Variants in FRMPD4 observed in about 807,000 individuals in gnomAD.
The protein encoded by FRMPD4 is FERM and PDZ domain-containing protein 4.
Under a neutral mutation model 94.1 loss-of-function variants are expected in FRMPD4, and 22 were observed. That is an observed-to-expected ratio of 0.23 (90% confidence interval 0.17 to 0.33). The LOEUF is 0.33. Among genes scored for constraint, FRMPD4 ranks in the 10% least tolerant of loss-of-function variants. The pLI is 1.00. For synonymous variants in FRMPD4, 631 were observed against 548.6 expected, an observed-to-expected ratio of 1.15 and a Z score of -2.10; for missense variants, 1,111 against 1,339.9, an observed-to-expected ratio of 0.83 and a Z score of 2.67.
chrX:12,161,937 A>G (rs1217562255), intron 1 of FRMPD4, among the ~76,000 whole-genome samples: 2 of 112,099 alleles, frequency 1.8e-5, no homozygotes, highest in Non-Finnish European at 3.8e-5. Context: ...AGGTATTTCA[A>G]AAGTCCCAAG....
chrX:12,170,404 G>A (rs1214714736), intron 1 of FRMPD4, among the ~76,000 whole-genome samples: 1 of 110,638 alleles, frequency 9.0e-6, no homozygotes, highest in Admixed American at 9.7e-5. Context: ...GTGCATGTTA[G>A]CATCCGTGAA....
chrX:12,137,479 C>G (rs767247941), upstream of FRMPD4, among the ~76,000 whole-genome samples: 8 of 112,247 alleles, frequency 7.1e-5, no homozygotes, highest in South Asian at 3.0e-3. Context: ...TGGGGGTGCT[C>G]TCTGTTCTTT....
intron 2 of FRMPD4, among the ~76,000 whole-genome samples, chrX:12,565,086 C>CA (rs33995881): frequency 0.26 from 26,476 of 100,441 alleles, 3,282 homozygotes; most frequent in African/African-American, 0.47. Flanking sequence ...GACTCAGTCT[C>CA]AAAAAAAAAA....
intron 3 of FRMPD4, among the ~76,000 whole-genome samples, chrX:11,960,000 C>A (rs943380029): frequency 1.8e-5 from 2 of 110,982 alleles, no homozygotes; most frequent in Non-Finnish European, 3.8e-5. Context: ...TGGGGCATCA[C>A]AAGATGGATC....
intron 3 of FRMPD4, among the ~76,000 whole-genome samples, chrX:12,050,242 A>G (rs1022320471): frequency 3.6e-5 from 4 of 111,647 alleles, no homozygotes. Context: ...CTCCATTCAT[A>G]GTAAGTGCTC....
intron 1 of FRMPD4, among the ~76,000 whole-genome samples, chrX:12,314,509 T>G (rs1447861682): frequency 1.8e-5 from 2 of 111,184 alleles, no homozygotes; most frequent in Non-Finnish European, 3.8e-5. Context: ...GTGGACCCTA[T>G]ACTGAGCAAC....
intron 1 of FRMPD4, among the ~76,000 whole-genome samples, chrX:12,420,087 G>A (rs1162365789): frequency 3.6e-5 from 4 of 111,294 alleles, no homozygotes; most frequent in Admixed American, 9.5e-5. Flanking sequence ...AATTTAACAC[G>A]CCCTGAACTT....
intron 1 of FRMPD4, among the ~76,000 whole-genome samples, chrX:12,357,070 A>C (rs1165857823): frequency 8.9e-6 from 1 of 112,053 alleles, no homozygotes; most frequent in Non-Finnish European, 1.9e-5. Flanking sequence ...CCATTTCTCC[A>C]ATCCTGGCTA....
intron 3 of FRMPD4, among the ~76,000 whole-genome samples, chrX:11,982,015 C>T (rs1016306693): frequency 2.7e-5 from 3 of 111,779 alleles, no homozygotes; most frequent in African/African-American, 9.7e-5. Context: ...TGGTCTATTA[C>T]ACTTCTTTAT....
intron 1 of FRMPD4, among the ~76,000 whole-genome samples, chrX:12,349,040 G>A (rs963301413): frequency 1.8e-5 from 2 of 111,661 alleles, no homozygotes; most frequent in Non-Finnish European, 3.8e-5. Context: ...GATGGGAAAC[G>A]CCCAGCAAGT....
At chrX:12,550,671 A>G (rs1190197746) in intron 2 of FRMPD4, among the ~76,000 whole-genome samples, 1 of 111,029 alleles carries the variant, frequency 9.0e-6, no homozygotes. Flanking sequence ...CTGTATATAC[A>G]CAGCACTTTT....
chrX:12,266,050 G>A (rs1267445277), intron 1 of FRMPD4, among the ~76,000 whole-genome samples: 5 of 99,559 alleles, frequency 5.0e-5, no homozygotes, highest in East Asian at 3.2e-4. Context: ...GGAGAATGGC[G>A]TGAACCCGGG....
chrX:11,901,011 G>A (rs1569121558), intron 3 of FRMPD4, among the ~76,000 whole-genome samples: 2 of 111,181 alleles, frequency 1.8e-5, no homozygotes, highest in Non-Finnish European at 3.8e-5. Context: ...TATTTTGGAT[G>A]TCTTGCCTAA....
chrX:12,106,523 T>C (rs1225634131), intron 3 of FRMPD4, among the ~76,000 whole-genome samples: 1 of 110,514 alleles, frequency 9.0e-6, no homozygotes, highest in African/African-American at 3.3e-5. Flanking sequence ...ACGTACCGGG[T>C]TCATCTCACT....
At chrX:12,337,544 T>C (rs1003314488) in intron 1 of FRMPD4, among the ~76,000 whole-genome samples, 2 of 112,049 alleles carry the variant, frequency 1.8e-5, no homozygotes, top group Non-Finnish European at 3.8e-5. Context: ...AAGGAAATGG[T>C]CAGGGGCTGT....
chrX:12,668,900 C>G lies in FRMPD4; in HGVS notation c.423-5963C>G, dbSNP rs777484493. Among the ~76,000 whole-genome samples the G allele has an allele frequency of 1.1e-3, 121 of 111,415 alleles. 2 individuals are homozygous for G. Among genetic ancestry groups the G allele is most frequent in the African/African-American group, 3.7e-3 (114 of 30,636 alleles). ...GATTACAGGCATGAGCAACTGCACC[C>G]GGCCTGAAACTACTTTTAAGATACA... On this transcript the variant is annotated intron_variant, in intron 4 of 16. Transcript: ENST00000675598.
At chrX:12,618,245 A>T (rs147573827) in intron 4 of FRMPD4, among the ~76,000 whole-genome samples, 2,751 of 111,752 alleles carry the variant, frequency 0.025, 36 homozygotes, top group Non-Finnish European at 0.038. Context: ...CCATAGAAAC[A>T]TTATGAATTG....
chrX:12,448,098 TCTGA>T (rs780586111), intron 1 of FRMPD4, among the ~76,000 whole-genome samples: 47 of 111,682 alleles, frequency 4.2e-4, no homozygotes, highest in Non-Finnish European at 7.9e-4. Flanking sequence ...TTTAGAATCC[TCTGA>T]CTGTGCATGT....
chrX:12,520,239 C>T (rs1213597393), intron 2 of FRMPD4, among the ~76,000 whole-genome samples: 1 of 111,616 alleles, frequency 9.0e-6, no homozygotes. Flanking sequence ...AAGGATGAAC[C>T]TTGATGACAT....
Sources: gnomAD v4.1 joint callset for allele counts (sites outside exome capture counted in the v4.1 genomes callset) on GRCh38, gnomAD v4.1.1 for gene constraint, MANE v1.5 for transcripts, NCBI Gene and HGNC (gene_info 2026-07-23, HGNC 2026-07-21) for gene names.